KYAT3: variants seen among roughly 807,000 people sequenced by gnomAD.
The protein encoded by KYAT3 is kynurenine aminotransferase 3.
In KYAT3, 50 loss-of-function variants were observed where a neutral mutation model predicts 59.0. The observed-to-expected ratio is 0.85, with a 90% CI of 0.68 to 1.07. The LOEUF (loss-of-function observed/expected upper bound fraction) is 1.07. KYAT3 is among the 50% of genes least tolerant of loss of function. The pLI, the probability that KYAT3 is intolerant of heterozygous loss-of-function variation, is 0.00. For synonymous variants in KYAT3, 148 were observed against 177.0 expected, an observed-to-expected ratio of 0.84 and a Z score of 1.30; for missense variants, 497 against 533.3, an observed-to-expected ratio of 0.93 and a Z score of 0.67.
chr1:88,953,567 G>T (rs952686221), intron 9 of KYAT3, among the ~76,000 whole-genome samples: 57 of 131,038 alleles, frequency 4.3e-4, no homozygotes, highest in African/African-American at 1.5e-3. Context: ...AAAAAAAAAA[G>T]TTCACACTAT....
chr1:88,965,060 GA>G, intron 4 of KYAT3, 82 bp from the exon 5 acceptor site: 1 of 1,088,250 alleles, frequency 9.2e-7, no homozygotes. Flanking sequence ...TAAAATGTAA[GA>G]ATTTTTAAAA....
In KYAT3 at chr1:88,968,949, C is replaced by T. The variant is rs1172104445; in HGVS notation, c.159-135G>A. Reference sequence around the variant, plus strand: ...CTATAGGTTTTAAAAAATGAGTTTCCAACAAAAATTTACCAACCACAAATC... The same window carrying T: ...CTATAGGTTTTAAAAAATGAGTTTCTAACAAAAATTTACCAACCACAAATC... On this transcript the variant is annotated intron_variant, in intron 3 of 13. Coordinates refer to ENST00000260508, the MANE Select transcript of KYAT3 (RefSeq NM_001008661.3). 3 of 627,992 alleles carry T rather than the reference C, an allele frequency of 4.8e-6. No homozygotes were observed. In the African/African-American group the frequency reaches 5.9e-5, roughly 12 times the overall value. The allele number at this position is 627,992 out of a possible 1,614,324, so 38.9% of individuals were successfully genotyped here. A position where few individuals can be genotyped will look rare whatever the true frequency, so the allele number is the denominator to read the frequency against.
At chr1:88,927,285 TAAGA>T in the KYAT3 span, among the ~76,000 whole-genome samples, 1 of 152,138 alleles carries the variant, frequency 6.6e-6, no homozygotes, top group Non-Finnish European at 1.5e-5. Context: ...CCTCAGATGC[TAAGA>T]AAGAAACTAC....
At chr1:88,927,990 C>T in the KYAT3 span, among the ~76,000 whole-genome samples, 1 of 152,158 alleles carries the variant, frequency 6.6e-6, no homozygotes, top group Non-Finnish European at 1.5e-5. Context: ...CAGGCAGTTC[C>T]CACTGTAGAC....
intron 11 of KYAT3, among the ~76,000 whole-genome samples, chr1:88,945,215 T>C (rs1675394883): frequency 6.6e-6 from 1 of 152,212 alleles, no homozygotes; most frequent in African/African-American, 2.4e-5. Context: ...AAAGGTTTTT[T>C]AGTCAGAAGG....
In KYAT3 at chr1:88,936,237, G is replaced by A; in HGVS notation, c.1311C>T (p.Ser437=). 1 of 1,605,928 alleles carries A rather than the reference G, an allele frequency of 6.2e-7. No homozygotes were observed. The highest frequency in any genetic ancestry group is 2.2e-5 in the East Asian group (1 of 44,768). ...FVRFCFIKKD[S]TLDAAEEIIK... ...TGATTTCTTCAGCAGCATCCAGTGT[G>A]CTGTCTTTCTGTAAATTAATGAAAT... The change falls in exon 14 of 14, where the codon AGC becomes AGT. Residue 437 remains serine (S), a synonymous_variant. Coordinates refer to ENST00000260508, the MANE Select transcript of KYAT3 (RefSeq NM_001008661.3).
downstream of KYAT3, among the ~76,000 whole-genome samples, chr1:88,932,641 C>T (rs969408222): frequency 6.6e-6 from 1 of 152,056 alleles, no homozygotes; most frequent in Non-Finnish European, 1.5e-5. Flanking sequence ...TATGGGAGCA[C>T]ACCAACATGC....
At chr1:88,967,465 A>G (rs1225110980) in intron 4 of KYAT3, among the ~76,000 whole-genome samples, 1 of 151,990 alleles carries the variant, frequency 6.6e-6, no homozygotes, top group African/African-American at 2.4e-5. Flanking sequence ...TTACTTTTGC[A>G]CTGACCTAAT....
At chr1:88,938,538 C>G (rs1236847287) in intron 13 of KYAT3, among the ~76,000 whole-genome samples, 1 of 152,136 alleles carries the variant, frequency 6.6e-6, no homozygotes, top group Admixed American at 6.5e-5. Flanking sequence ...CTCCTCCCAC[C>G]CTCCACCCTC....
At chr1:88,970,609 C>A (rs1396797565) in intron 2 of KYAT3, among the ~76,000 whole-genome samples, 2 of 152,118 alleles carry the variant, frequency 1.3e-5, no homozygotes, top group African/African-American at 4.8e-5. Flanking sequence ...GATAAGCCTA[C>A]TAATACCAAG....
In KYAT3 at chr1:88,949,251, A is replaced by G. The variant is rs1046882691; in HGVS notation, c.981T>C (p.Ile327=). The change falls in exon 11 of 14, where the codon ATT becomes ATC. Residue 327 remains isoleucine, a synonymous_variant. Transcript: ENST00000260508. ...CTGGGTCATCCATGCGCTTGATGTC[A>G]ATCCAGAAAGCTTGAGCCAAGGCTT... ...LQEALAQAFW[I]DIKRMDDPEC... The G allele has an allele frequency of 1.3e-6, 2 of 1,568,544 alleles. No homozygotes were observed. The highest frequency in any genetic ancestry group is 1.4e-5 in the African/African-American group (1 of 72,162).
intron 13 of KYAT3, among the ~76,000 whole-genome samples, chr1:88,941,558 G>C (rs1366901490): frequency 1.3e-5 from 2 of 149,596 alleles, no homozygotes; most frequent in Admixed American, 6.7e-5. Flanking sequence ...TCAGTGCTCA[G>C]ATGATGTTAT....
At chr1:88,988,106 A>G (rs1677574126) in intron 2 of KYAT3, 146 bp downstream of exon 2, 2 of 564,382 alleles carry the variant, frequency 3.5e-6, no homozygotes, top group Non-Finnish European at 6.4e-6. Context: ...TGTCAATTCT[A>G]GTCAATGACA....
intron 2 of KYAT3, among the ~76,000 whole-genome samples, chr1:88,973,088 A>G (rs954416211): frequency 9.2e-5 from 14 of 152,218 alleles, no homozygotes; most frequent in African/African-American, 3.4e-4. Flanking sequence ...CTGGACATAT[A>G]CATAGACCCT....
chr1:88,959,782 C>A (rs1410961121), intron 8 of KYAT3, among the ~76,000 whole-genome samples: 1 of 151,650 alleles, frequency 6.6e-6, no homozygotes, highest in Admixed American at 6.6e-5. Flanking sequence ...TTTTATTCCC[C>A]TCAAACAGTC....
chr1:88,934,740 G>A (rs773413536), downstream of KYAT3, among the ~76,000 whole-genome samples: 9 of 152,172 alleles, frequency 5.9e-5, no homozygotes, highest in Non-Finnish European at 8.8e-5. Flanking sequence ...GAGAAAGGGA[G>A]TGAAGATTTA....
chr1:88,938,409 T>C (rs1482284954), intron 13 of KYAT3, among the ~76,000 whole-genome samples: 1 of 152,128 alleles, frequency 6.6e-6, no homozygotes, highest in Admixed American at 6.6e-5. Flanking sequence ...GGTTTGGGGG[T>C]ACATGTGAAG....
intron 2 of KYAT3, among the ~76,000 whole-genome samples, chr1:88,987,575 T>C (rs1279375628): frequency 1.3e-5 from 2 of 152,354 alleles, no homozygotes; most frequent in South Asian, 2.1e-4. Flanking sequence ...CAATTTCATA[T>C]ACTTTAACCT....
Position 88,988,323 on chromosome 1 carries a change from A to C in KYAT3, c.28T>G (p.Ser10Ala), listed in dbSNP as rs1344829287. ...AGGAATTTTGCTCTACCGCTAAGAG[A>C]GCAGAGGCTCCTCTGGGCCAAAAAC... MFLAQRSLC[S>A]LSGRAKFLKT... Residue 10 changes from serine to alanine, a missense_variant, in exon 2 of 14, where the codon TCT (serine) becomes GCT (alanine). This residue lies in a region of KYAT3 where 469 missense variants were observed against 479.1 expected (regional missense o/e 0.98). Transcript: ENST00000260508. The C allele has an allele frequency of 3.1e-6, 5 of 1,613,088 alleles. No individual in the cohort carries two copies. In the African/African-American group the frequency reaches 5.3e-5, roughly 17 times the overall value.
Sources: gnomAD v4.1 joint callset for allele counts (sites outside exome capture counted in the v4.1 genomes callset) on GRCh38, gnomAD v4.1.1 for gene constraint, gnomAD v4.1.1 regional missense constraint, MANE v1.5 for transcripts, NCBI Gene and HGNC (gene_info 2026-07-23, HGNC 2026-07-21) for gene names.